Variants in HIP1 observed in about 807,000 individuals in gnomAD.
The protein encoded by HIP1 is huntingtin-interacting protein 1.
In HIP1, 65 loss-of-function variants were observed where a neutral mutation model predicts 147.6. That is an observed-to-expected ratio of 0.44 (90% CI 0.36 to 0.54). The LOEUF is 0.54. HIP1 is among the 20% of genes least tolerant of loss of function. The pLI is 0.00. For missense variants in HIP1, 1,061 were observed against 1,299.6 expected, an observed-to-expected ratio of 0.82 and a Z score of 2.82; for synonymous variants, 479 against 504.0, an observed-to-expected ratio of 0.95 and a Z score of 0.67.
chr7:75,673,321 C>G (rs1302813108), intron 1 of HIP1, among the ~76,000 whole-genome samples: 26 of 152,124 alleles, frequency 1.7e-4, no homozygotes, highest in African/African-American at 5.6e-4. Flanking sequence ...CTGAGCCCGG[C>G]CTTGTTCTTC....
intron 1 of HIP1, among the ~76,000 whole-genome samples, chr7:75,698,141 T>C (rs1800698888): frequency 6.6e-6 from 1 of 152,086 alleles, no homozygotes; most frequent in African/African-American, 2.4e-5. Context: ...TATCAACAGG[T>C]CTATTCTATG....
intron 1 of HIP1, among the ~76,000 whole-genome samples, chr7:75,684,683 G>C (rs1474076690): frequency 1.3e-5 from 2 of 152,052 alleles, no homozygotes; most frequent in Non-Finnish European, 2.9e-5. Flanking sequence ...GGTTGCTTTT[G>C]ACTTTTTACA....
chr7:75,672,475 C>G (rs1464578373), intron 1 of HIP1, among the ~76,000 whole-genome samples: 3 of 152,102 alleles, frequency 2.0e-5, no homozygotes, highest in African/African-American at 7.2e-5. Flanking sequence ...TACAGGCATG[C>G]ATCAGCACAC....
chr7:75,711,207 T>A (rs555751325), intron 1 of HIP1, among the ~76,000 whole-genome samples: 7 of 152,354 alleles, frequency 4.6e-5, no homozygotes, highest in Non-Finnish European at 1.0e-4. Context: ...TTTTGAGTTC[T>A]AATGTCCTAA....
At chr7:75,609,840 T>C (rs1320403354) in intron 1 of HIP1, among the ~76,000 whole-genome samples, 1 of 151,706 alleles carries the variant, frequency 6.6e-6, no homozygotes, top group East Asian at 1.9e-4. Context: ...TTTTAAGACT[T>C]AACCAAGCTA....
At chr7:75,610,908 C>CT (rs1220392761) in intron 1 of HIP1, among the ~76,000 whole-genome samples, 12 of 144,432 alleles carry the variant, frequency 8.3e-5, no homozygotes, top group African/African-American at 2.3e-4. Flanking sequence ...TATATATATA[C>CT]TTTTTTTTTT....
chr7:75,648,739 G>A (rs376519602), intron 1 of HIP1, among the ~76,000 whole-genome samples: 17 of 152,286 alleles, frequency 1.1e-4, no homozygotes, highest in African/African-American at 4.1e-4. Context: ...GAGACGTGCT[G>A]TGGGAAGGAA....
intron 1 of HIP1, among the ~76,000 whole-genome samples, chr7:75,619,469 T>C (rs1227351776): frequency 1.4e-5 from 2 of 141,562 alleles, no homozygotes; most frequent in African/African-American, 2.7e-5. Flanking sequence ...GAGGTTGCAG[T>C]GAGCCGAGAT....
chr7:75,626,866 C>G (rs1244610835), intron 1 of HIP1: 1 of 148,308 alleles, frequency 6.7e-6, no homozygotes, highest in African/African-American at 2.5e-5. Context: ...TCATAAGGTT[C>G]AACCTAGTGC....
chr7:75,559,753 G>T lies in HIP1; in HGVS notation c.1354C>A (p.Arg452=). 1 of 1,182,506 alleles carries T rather than the reference G, an allele frequency of 8.5e-7. No individual in the cohort carries two copies. The highest frequency in any genetic ancestry group is 1.1e-6 in the Non-Finnish European group (1 of 883,046). 73.3% of individuals were successfully genotyped at this position (1,182,506 alleles called of 1,614,324 possible). A position where few individuals can be genotyped will look rare whatever the true frequency, so the allele number is the denominator to read the frequency against. The part of the protein sequence containing the change: ...RQREDTEKAQ[R]SLSEIERKAQ... ...TCACTTTCTATCTCAGACAGGCTCC[G>T]CTGAGCCTTCTCGGTGTCCTCCCGC... is the stretch of plus-strand genomic sequence containing the variant. Residue 452 remains arginine, a synonymous_variant, in exon 14 of 31, where the codon CGG becomes AGG. Coordinates refer to ENST00000336926, the MANE Select transcript of HIP1 (RefSeq NM_005338.7).
chr7:75,699,196 C>T (rs1458159483), intron 1 of HIP1, among the ~76,000 whole-genome samples: 6 of 151,956 alleles, frequency 3.9e-5, no homozygotes, highest in Non-Finnish European at 7.4e-5. Context: ...TCTCCTGCCT[C>T]GACCTCCCAA....
At chr7:75,661,572 C>CAAAA (rs61482074) in intron 1 of HIP1, among the ~76,000 whole-genome samples, 8 of 46,890 alleles carry the variant, frequency 1.7e-4, no homozygotes, top group Admixed American at 2.8e-4. Flanking sequence ...GACTCCATCT[C>CAAAA]AAAAAAAAAA....
intron 1 of HIP1, among the ~76,000 whole-genome samples, chr7:75,611,509 TCA>T (rs1797437510): frequency 6.6e-6 from 1 of 151,510 alleles, no homozygotes; most frequent in Admixed American, 6.6e-5. Context: ...GGTATGTGAT[TCA>T]CAGTCTCTTG....
At chr7:75,599,339 C>T in intron 1 of HIP1, 92 bp from the exon 2 acceptor site, 4 of 985,380 alleles carry the variant, frequency 4.1e-6, no homozygotes, top group Non-Finnish European at 4.8e-6. Context: ...CCCCTTTCTC[C>T]TCCTCCAGCC....
chr7:75,617,554 C>T (rs1256028848), intron 1 of HIP1, among the ~76,000 whole-genome samples: 1 of 152,150 alleles, frequency 6.6e-6, no homozygotes, highest in Non-Finnish European at 1.5e-5. Flanking sequence ...GTTTCTTGGT[C>T]TCCTTTTCCC....
intron 7 of HIP1, among the ~76,000 whole-genome samples, chr7:75,580,097 C>T (rs1170302783): frequency 2.0e-5 from 3 of 152,198 alleles, no homozygotes; most frequent in Non-Finnish European, 4.4e-5. Context: ...AGTGTGGCCA[C>T]TCCCCCTGCT....
intron 1 of HIP1, among the ~76,000 whole-genome samples, chr7:75,623,969 G>A (rs1320124459): frequency 6.6e-6 from 1 of 152,134 alleles, no homozygotes; most frequent in African/African-American, 2.4e-5. Context: ...GGCTGAGGCA[G>A]GAGGATCGCT....
At chr7:75,715,889 TC>T (rs1554520528) in intron 1 of HIP1, among the ~76,000 whole-genome samples, 1 of 147,538 alleles carries the variant, frequency 6.8e-6, no homozygotes, top group East Asian at 2.1e-4. Context: ...AAGCTTTCAC[TC>T]AAGGCGGAAG....
intron 1 of HIP1, among the ~76,000 whole-genome samples, chr7:75,647,102 T>A (rs1220809992): frequency 2.0e-5 from 3 of 151,514 alleles, no homozygotes; most frequent in Non-Finnish European, 4.4e-5. Flanking sequence ...GTGGTGGCTC[T>A]TGCCTGTAAT....
Sources: allele counts gnomAD v4.1 joint callset (sites outside exome capture counted in the v4.1 genomes callset), GRCh38; gene constraint gnomAD v4.1.1; transcripts MANE v1.5; gene names NCBI Gene and HGNC (gene_info 2026-07-23, HGNC 2026-07-21).